Variants in PDCL2 observed in about 807,000 individuals in gnomAD.
The protein encoded by PDCL2 is phosducin like 2.
In PDCL2, 23 loss-of-function variants were observed where a neutral mutation model predicts 30.3. That is an observed-to-expected ratio of 0.76 (90% CI 0.55 to 1.08). PDCL2 has a LOEUF of 1.08. Ranked by LOEUF, PDCL2 falls within the 50% of genes least tolerant of loss-of-function variation. The pLI, the probability that PDCL2 is intolerant of heterozygous loss-of-function variation, is 0.00. For missense variants in PDCL2, 243 were observed against 282.3 expected (o/e 0.86, Z 1.00); for synonymous variants, 68 against 86.2 (o/e 0.79, Z 1.17).
intron 3 of PDCL2, among the ~76,000 whole-genome samples, chr4:55,579,429 A>G (rs1175496803): frequency 6.6e-6 from 1 of 151,930 alleles, no homozygotes; most frequent in Non-Finnish European, 1.5e-5. Context: ...TCCCAGGTTC[A>G]GCGATTCTCC....
At chr4:55,561,570 A>G (rs573387658) in intron 5 of PDCL2, among the ~76,000 whole-genome samples, 1 of 151,858 alleles carries the variant, frequency 6.6e-6, no homozygotes, top group South Asian at 2.1e-4. Flanking sequence ...TCTCAAAAAC[A>G]AACAAACAAA....
chr4:55,568,809 T>C (rs1732335360), intron 4 of PDCL2, among the ~76,000 whole-genome samples: 1 of 152,206 alleles, frequency 6.6e-6, no homozygotes. Context: ...TAGATTCTTA[T>C]CATTCCAGTG....
chr4:55,559,827 A>G (rs1160622158), intron 5 of PDCL2, among the ~76,000 whole-genome samples: 1 of 152,238 alleles, frequency 6.6e-6, no homozygotes, highest in African/African-American at 2.4e-5. Context: ...ACATGCTACC[A>G]CATGGATGAA....
At chr4:55,582,597 G>A (rs1379856106) in intron 1 of PDCL2, among the ~76,000 whole-genome samples, 4 of 152,132 alleles carry the variant, frequency 2.6e-5, no homozygotes, top group South Asian at 2.1e-4. Flanking sequence ...ACCATCAGAT[G>A]AACTTCCTTT....
rs955872117 is a variant in PDCL2, at chr4:55,592,036, C to G, written c.6+68G>C. On this transcript the variant is annotated intron_variant, in intron 1 of 5. Transcript: ENST00000295645. ...GTGTCCGCCCTCCCCATTTGTGTCC[C>G]TTGGCTTCGGGCCCAGCTGGAGACC... The G allele has an allele frequency of 1.9e-6, 3 of 1,586,930 alleles. No individual in the cohort carries two copies. In the African/African-American group the frequency reaches 4.0e-5, roughly 21 times the overall value.
chr4:55,558,207 C>T (rs6853506), intron 5 of PDCL2, among the ~76,000 whole-genome samples: 114,216 of 151,528 alleles, frequency 0.75, 43,358 homozygotes, highest in East Asian at 0.9. Context: ...AAAAAGTAGA[C>T]ACATTCCTGA....
chr4:55,583,165 C>A (rs1732772271), intron 1 of PDCL2, among the ~76,000 whole-genome samples: 1 of 151,994 alleles, frequency 6.6e-6, no homozygotes, highest in Non-Finnish European at 1.5e-5. Flanking sequence ...TACAGGGTTT[C>A]CCCATGTTGC....
chr4:55,590,053 CA>C (rs1560506824), intron 1 of PDCL2, among the ~76,000 whole-genome samples: 2 of 151,442 alleles, frequency 1.3e-5, no homozygotes, highest in Admixed American at 6.6e-5. Context: ...AAAAATTAGC[CA>C]GGCGTGGTGG....
intron 1 of PDCL2, among the ~76,000 whole-genome samples, chr4:55,582,735 T>G (rs1310609764): frequency 6.6e-6 from 1 of 151,896 alleles, no homozygotes; most frequent in Non-Finnish European, 1.5e-5. Context: ...TAGGTATATC[T>G]CCTAATGCTA....
At chr4:55,577,884 T>C (rs1732611465) in intron 3 of PDCL2, among the ~76,000 whole-genome samples, 1 of 152,214 alleles carries the variant, frequency 6.6e-6, no homozygotes, top group Non-Finnish European at 1.5e-5. Flanking sequence ...TATACTTTCT[T>C]GTTTGTGTAT....
At chr4:55,569,185 A>G (rs1042729548) in intron 4 of PDCL2, among the ~76,000 whole-genome samples, 3 of 151,378 alleles carry the variant, frequency 2.0e-5, no homozygotes, top group African/African-American at 7.3e-5. Context: ...GGCCCCAGCC[A>G]ATAAACCTAA....
chr4:55,586,208 C>G (rs929354445), intron 1 of PDCL2, among the ~76,000 whole-genome samples: 1 of 152,040 alleles, frequency 6.6e-6, no homozygotes, highest in African/African-American at 2.4e-5. Context: ...CTAATTTCTT[C>G]TTTGACCCAT....
intron 2 of PDCL2, 116 bp from the exon 3 acceptor site, chr4:55,581,027 C>A: frequency 1.5e-6 from 1 of 656,964 alleles, no homozygotes; most frequent in Non-Finnish European, 2.4e-6. Context: ...TTTAAACAGC[C>A]GGGTGCGATG....
chr4:55,566,806 G>A (rs926578166), intron 4 of PDCL2, among the ~76,000 whole-genome samples: 2 of 4,380 alleles, frequency 4.6e-4, no homozygotes, highest in Non-Finnish European at 7.7e-3. Context: ...CTTCTGAGAA[G>A]GTTTACTTAA....
At chr4:55,578,141 A>G (rs1204320424) in intron 3 of PDCL2, among the ~76,000 whole-genome samples, 1 of 152,174 alleles carries the variant, frequency 6.6e-6, no homozygotes, top group Non-Finnish European at 1.5e-5. Flanking sequence ...TTTGTTTTGA[A>G]TCTTTAAAAA....
chr4:55,568,842 A>G (rs952259958), intron 4 of PDCL2, among the ~76,000 whole-genome samples: 3 of 152,182 alleles, frequency 2.0e-5, no homozygotes, highest in African/African-American at 7.2e-5. Flanking sequence ...AATCTATATA[A>G]CAAACCTTGC....
intron 4 of PDCL2, among the ~76,000 whole-genome samples, chr4:55,566,483 A>G (rs1375369875): frequency 7.3e-6 from 1 of 136,924 alleles, no homozygotes; most frequent in Non-Finnish European, 1.5e-5. Flanking sequence ...GCTGGAGTGC[A>G]ATGATCTTGG....
At position 55,592,216 on chromosome 4, in the gene PDCL2, C is replaced by T; in HGVS notation, c.-107G>A. The T allele has an allele frequency of 6.6e-7, 1 of 1,520,560 alleles. No individual in the cohort carries two copies. The highest frequency in any genetic ancestry group is 8.9e-7 in the Non-Finnish European group (1 of 1,123,500). 94.2% of individuals were successfully genotyped at this position (1,520,560 alleles called of 1,614,324 possible). A position where few individuals can be genotyped will look rare whatever the true frequency, so the allele number is the denominator to read the frequency against. On this transcript the variant is annotated 5_prime_UTR_variant, in exon 1 of 6. Transcript: ENST00000295645. ...AGGCTGGAAGAGCGCCCGCTTCAGG[C>T]CCGGCGGTTTCGAGTGACCGCCAGA...
At chr4:55,587,216 T>TAAAAAAAAAAAAAAAA (rs869107656) in intron 1 of PDCL2, among the ~76,000 whole-genome samples, 4 of 62,834 alleles carry the variant, frequency 6.4e-5, no homozygotes, top group African/African-American at 3.0e-4. Context: ...GACAGAATAG[T>TAAAAAAAAAAAAAAAA]AAAAAAAAAA....
Sources: allele counts gnomAD v4.1 joint callset (sites outside exome capture counted in the v4.1 genomes callset), GRCh38; gene constraint gnomAD v4.1.1; transcripts MANE v1.5; gene names NCBI Gene and HGNC (gene_info 2026-07-23, HGNC 2026-07-21).